Variants in XXYLT1 observed in about 807,000 individuals in gnomAD.
The protein encoded by XXYLT1 is UDP-xylose:alpha-xyloside alpha-1,3-xylosyltransferase.
In XXYLT1, 20 loss-of-function variants were observed where a neutral mutation model predicts 28.9. The observed-to-expected ratio is 0.69, with a 90% CI of 0.49 to 1.00. The LOEUF (loss-of-function observed/expected upper bound fraction) is 1.00. XXYLT1 is among the 50% of genes least tolerant of loss of function. The probability of loss-of-function intolerance (pLI) is 0.00; values close to 1 mark genes in which losing one functional copy is unlikely to be tolerated. For missense variants in XXYLT1, 542 were observed against 560.1 expected, an observed-to-expected ratio of 0.97 and a Z score of 0.33; for synonymous variants, 257 against 253.8, an observed-to-expected ratio of 1.01 and a Z score of -0.12.
chr3:195,123,651 C>T (rs753608484), intron 3 of XXYLT1, among the ~76,000 whole-genome samples: 27 of 152,122 alleles, frequency 1.8e-4, no homozygotes, highest in Non-Finnish European at 3.1e-4. Context: ...GTTCTGAGAC[C>T]AATTAAGAAT....
At position 195,078,263 on chromosome 3, in the gene XXYLT1, G is replaced by A. The variant is rs930794612; in HGVS notation, c.786-8152C>T. 2.0e-5 allele frequency among the ~76,000 whole-genome samples: 3 copies of A among 152,058 alleles called. No homozygotes were observed. The highest frequency in any genetic ancestry group is 4.4e-5 in the Non-Finnish European group (3 of 68,016). On this transcript the variant is annotated intron_variant, in intron 3 of 3. Coordinates refer to ENST00000310380, the MANE Select transcript of XXYLT1 (RefSeq NM_152531.5). The surrounding 1 kb of genome is among the most constrained non-coding windows in gnomAD (Gnocchi z 5.0). The stretch of plus-strand genomic sequence containing the variant: ...CAAGCAGGTGGTACGGAATTCTGGA[G>A]AGTTCTGACATTTAGGGCGTGGAAG...
chr3:195,264,261 G>A (rs1471179596), intron 1 of XXYLT1, among the ~76,000 whole-genome samples: 1 of 152,252 alleles, frequency 6.6e-6, no homozygotes, highest in Admixed American at 6.5e-5. Context: ...AGGTAGGTAA[G>A]GTCTCTGCCT....
chr3:195,156,148 A>G (rs565649122), intron 3 of XXYLT1, among the ~76,000 whole-genome samples: 2 of 152,338 alleles, frequency 1.3e-5, no homozygotes, highest in African/African-American at 4.8e-5. Context: ...CTTCCTCCGT[A>G]AGGCAAAGCC....
chr3:195,249,739 C>T (rs1164245357), intron 1 of XXYLT1, among the ~76,000 whole-genome samples: 1 of 152,230 alleles, frequency 6.6e-6, no homozygotes, highest in Non-Finnish European at 1.5e-5. Flanking sequence ...ACTGAGCCTG[C>T]TCACTACAAA....
chr3:195,079,551 C>A (rs952871689), intron 3 of XXYLT1, among the ~76,000 whole-genome samples: 5 of 152,136 alleles, frequency 3.3e-5, no homozygotes, highest in African/African-American at 1.2e-4. Context: ...TTGTAATAAG[C>A]AAACAAGGTA....
At chr3:195,241,961 C>T (rs1384734176) in intron 1 of XXYLT1, among the ~76,000 whole-genome samples, 1 of 152,184 alleles carries the variant, frequency 6.6e-6, no homozygotes, top group African/African-American at 2.4e-5. Flanking sequence ...CACTTACTGC[C>T]CATCTCTCCC....
At chr3:195,222,283 C>T (rs950082375) in intron 2 of XXYLT1, among the ~76,000 whole-genome samples, 2 of 152,208 alleles carry the variant, frequency 1.3e-5, no homozygotes, top group Non-Finnish European at 2.9e-5. Flanking sequence ...CTCGGAGAAG[C>T]GGCCTAACCT....
At chr3:195,072,287 A>G (rs1714866012) in intron 3 of XXYLT1, among the ~76,000 whole-genome samples, 1 of 152,148 alleles carries the variant, frequency 6.6e-6, no homozygotes, top group Admixed American at 6.5e-5. Flanking sequence ...TGTGGGGTTG[A>G]GTGAGGAGCA....
intron 3 of XXYLT1, among the ~76,000 whole-genome samples, chr3:195,120,820 C>T (rs1354181187): frequency 6.6e-5 from 10 of 152,186 alleles, no homozygotes; most frequent in East Asian, 1.9e-4. Context: ...TGGAAGAGCA[C>T]GGAGAGGGTG....
rs779402640 is a variant in XXYLT1 at position 195,270,576 on chromosome 3, G to C, written c.483C>G (p.Pro161=). 12 of 1,384,212 alleles carry C rather than the reference G, an allele frequency of 8.7e-6. No individual in the cohort carries two copies. The African/African-American group carries it at 1.8e-4, about 21-fold the overall frequency. The allele number at this position is 1,384,212 out of a possible 1,614,324, so 85.7% of individuals were successfully genotyped here. Residue 161 remains proline, a synonymous_variant, in exon 1 of 4, where the codon CCC becomes CCG. Coordinates refer to ENST00000310380, the MANE Select transcript of XXYLT1 (RefSeq NM_152531.5). ...AKGLLRELLP[P]AAGFKCKVIF... The stretch of plus-strand genomic sequence containing the variant: ...TCACCTTGCACTTGAAGCCAGCGGC[G>C]GGCGGCAGGAGCTCCCGCAGCAGGC...
intron 3 of XXYLT1, among the ~76,000 whole-genome samples, chr3:195,106,580 C>T (rs1189162074): frequency 6.6e-6 from 1 of 152,166 alleles, no homozygotes; most frequent in Admixed American, 6.5e-5. Flanking sequence ...GATCCGGCCG[C>T]GACACAGGCG....
At position 195,154,598 on chromosome 3, in the gene XXYLT1, C is replaced by T. The variant is rs1047914631; in HGVS notation, c.785+1851G>A. ...ACAACCTCGGTAAACACACTGCGCT[C>T]CCTCCCAAGGGCTTGCAGGCCACCC... On this transcript the variant is annotated intron_variant, in intron 3 of 3. Coordinates refer to ENST00000310380, the MANE Select transcript of XXYLT1 (RefSeq NM_152531.5). Among the ~76,000 whole-genome samples, 3 of 152,256 alleles carry T rather than the reference C, an allele frequency of 2.0e-5. No individual in the cohort carries two copies. The South Asian group carries it at 6.2e-4, about 32-fold the overall frequency.
At chr3:195,081,522 G>GA (rs1287096787) in intron 3 of XXYLT1, among the ~76,000 whole-genome samples, 2 of 85,860 alleles carry the variant, frequency 2.3e-5, no homozygotes, top group Non-Finnish European at 4.0e-5. Context: ...CCACTGCCTT[G>GA]AAAAAAAATG....
At chr3:195,204,375 C>G (rs1722978042) in intron 2 of XXYLT1, among the ~76,000 whole-genome samples, 1 of 151,314 alleles carries the variant, frequency 6.6e-6, no homozygotes, top group Non-Finnish European at 1.5e-5. Flanking sequence ...AGAGAGAAAA[C>G]TACCATCATC....
chr3:195,198,411 G>T (rs997476949), intron 2 of XXYLT1, among the ~76,000 whole-genome samples: 1 of 152,112 alleles, frequency 6.6e-6, no homozygotes, highest in African/African-American at 2.4e-5. Context: ...AAGGCCAGGG[G>T]CCTGAAGAAA....
intron 3 of XXYLT1, among the ~76,000 whole-genome samples, chr3:195,082,856 C>G (rs1715513934): frequency 6.6e-6 from 1 of 152,096 alleles, no homozygotes; most frequent in Non-Finnish European, 1.5e-5. Context: ...AGGACCTCTC[C>G]CAAACTTGCC....
At chr3:195,206,175 T>G (rs923482789) in intron 2 of XXYLT1, among the ~76,000 whole-genome samples, 8 of 151,652 alleles carry the variant, frequency 5.3e-5, no homozygotes, top group Non-Finnish European at 1.2e-4. Context: ...CACGCCCAGC[T>G]AATTTTTTGT....
rs1226617329 is a variant in XXYLT1 at position 195,090,858 on chromosome 3, T to C, written c.786-20747A>G. Among the ~76,000 whole-genome samples the C allele has an allele frequency of 1.1e-3, 173 of 151,208 alleles. 2 individuals are homozygous for C. Among genetic ancestry groups the C allele is most frequent in the African/African-American group, 3.4e-3 (139 of 40,770 alleles). The stretch of plus-strand genomic sequence containing the variant: ...GATAAAGGGGATATCACCACCGATC[T>C]CACAGAAATACAAACTACCATCAGA... On this transcript the variant is annotated intron_variant, in intron 3 of 3. Transcript: ENST00000310380.
At chr3:195,164,054 A>G (rs1720996429) in intron 2 of XXYLT1, among the ~76,000 whole-genome samples, 1 of 152,278 alleles carries the variant, frequency 6.6e-6, no homozygotes, top group Non-Finnish European at 1.5e-5. Context: ...GCATTCTTTT[A>G]TGGGCAAAAG....
Sources: gnomAD v4.1 joint callset for allele counts (sites outside exome capture counted in the v4.1 genomes callset) on GRCh38, gnomAD v4.1.1 for gene constraint, Gnocchi (gnomAD v3.1) non-coding constraint, MANE v1.5 for transcripts, NCBI Gene and HGNC (gene_info 2026-07-23, HGNC 2026-07-21) for gene names.